Variants in ST18 observed in about 807,000 individuals in gnomAD.
The protein encoded by ST18 is ST18 C2H2C-type zinc finger transcription factor.
Under a neutral mutation model 110.0 loss-of-function variants are expected in ST18, and 50 were observed. The ratio of observed to expected loss-of-function variants is 0.45; its 90% CI spans 0.36 to 0.58. The LOEUF is 0.58. ST18 is among the 20% of genes least tolerant of loss of function. ST18 has a pLI of 0.00. For missense variants in ST18, 1,306 were observed against 1,280.1 expected, an observed-to-expected ratio of 1.02 and a Z score of -0.31; for synonymous variants, 461 against 452.4, an observed-to-expected ratio of 1.02 and a Z score of -0.24.
intron 2 of ST18, among the ~76,000 whole-genome samples, chr8:52,388,032 T>C (rs1837591574): frequency 6.8e-6 from 1 of 147,390 alleles, no homozygotes; most frequent in Non-Finnish European, 1.5e-5. Context: ...GGGGGGTCTA[T>C]GTTTGCAGGG....
chr8:52,116,436 T>C lies in ST18; in HGVS notation c.2860-18A>G. The stretch of plus-strand genomic sequence containing the variant: ...GATGTGATCTACAACAGAAATAACT[T>C]GGGAATGTGAGTAGTGGAGTTTGGA... On this transcript the variant is annotated intron_variant, in intron 24 of 25. Coordinates refer to ENST00000689386, the MANE Select transcript of ST18 (RefSeq NM_001352837.2). 1 of 1,607,284 alleles carries C rather than the reference T, an allele frequency of 6.2e-7. No individual in the cohort carries two copies. The highest frequency in any genetic ancestry group is 8.5e-7 in the Non-Finnish European group (1 of 1,176,510).
intron 4 of ST18, among the ~76,000 whole-genome samples, chr8:52,221,085 C>CTCTATCTATCTA (rs58429982): frequency 2.0e-4 from 30 of 148,342 alleles, no homozygotes; most frequent in South Asian, 8.7e-4. Context: ...AACTACCTAT[C>CTCTATCTATCTA]TCTATCTATC....
chr8:52,408,914 C>T (rs983662365), intron 2 of ST18: 1 of 152,232 alleles, frequency 6.6e-6, no homozygotes, highest in African/African-American at 2.4e-5. Flanking sequence ...TACTTCTCAT[C>T]TGAGCACAGA....
intron 3 of ST18, chr8:52,222,143 C>T (rs2087017755): frequency 6.6e-6 from 1 of 152,250 alleles, no homozygotes; most frequent in East Asian, 1.9e-4. Flanking sequence ...ATTAGCAATA[C>T]ATTTTCCATT....
At chr8:52,173,391 C>T (rs932703659) in intron 9 of ST18, among the ~76,000 whole-genome samples, 20 of 152,172 alleles carry the variant, frequency 1.3e-4, no homozygotes, top group East Asian at 1.9e-4. Flanking sequence ...GGGTCCTGAA[C>T]GTGAAGGCAC....
chr8:52,183,836 A>G (rs184993778), intron 8 of ST18, among the ~76,000 whole-genome samples: 1 of 152,336 alleles, frequency 6.6e-6, no homozygotes, highest in African/African-American at 2.4e-5. Flanking sequence ...CATATTATTT[A>G]TATTTACATA....
chr8:52,190,524 G>A (rs971004479), intron 8 of ST18, among the ~76,000 whole-genome samples: 2 of 152,138 alleles, frequency 1.3e-5, no homozygotes, highest in Non-Finnish European at 2.9e-5. Flanking sequence ...GCCAAAATAT[G>A]AGATCTTTGC....
intron 2 of ST18, among the ~76,000 whole-genome samples, chr8:52,370,171 G>A (rs1405845858): frequency 1.3e-5 from 2 of 152,194 alleles, no homozygotes; most frequent in Non-Finnish European, 2.9e-5. Context: ...TGTAAGAGAT[G>A]ACAAAGACCA....
At chr8:52,134,650 C>T (rs546367618) in intron 19 of ST18, among the ~76,000 whole-genome samples, 4 of 151,854 alleles carry the variant, frequency 2.6e-5, no homozygotes, top group Non-Finnish European at 4.4e-5. Flanking sequence ...GAGCATGCAT[C>T]TCTTCTGGCT....
rs780097875 is a variant in ST18, at chr8:52,161,327, A to C, written c.1594+48T>G. The stretch of plus-strand genomic sequence containing the variant: ...TGGCCCCCAGTACACACATACACCC[A>C]TACACAAGAAGCATTTTGGGGAAAC... On this transcript the variant is annotated intron_variant, in intron 14 of 25. Coordinates refer to ENST00000689386, the MANE Select transcript of ST18 (RefSeq NM_001352837.2). 5 of 1,589,290 alleles carry C rather than the reference A, an allele frequency of 3.1e-6. No individual in the cohort carries two copies. In the East Asian group the frequency reaches 1.1e-4, roughly 35 times the overall value.
chr8:52,332,081 CAAAT>C (rs1393440021), intron 2 of ST18, among the ~76,000 whole-genome samples: 1 of 151,640 alleles, frequency 6.6e-6, no homozygotes, highest in Admixed American at 6.6e-5. Flanking sequence ...ATTTATAAAA[CAAAT>C]ATATAAAATA....
chr8:52,157,146 G>T (rs565361938), intron 15 of ST18, among the ~76,000 whole-genome samples: 1 of 152,254 alleles, frequency 6.6e-6, no homozygotes, highest in East Asian at 1.9e-4. Flanking sequence ...TTTAACAATT[G>T]CTTTTCTAAC....
At position 52,262,069 on chromosome 8, in the gene ST18, T is replaced by C. The variant is rs1349528333; in HGVS notation, c.-464-31992A>G. On this transcript the variant is annotated intron_variant, in intron 2 of 25. Coordinates refer to ENST00000689386, the MANE Select transcript of ST18 (RefSeq NM_001352837.2). ...GGCACCAGCATCTGCTCAGCATATG[T>C]TGAGGGCCTTCTTGCTGTGTCAAAA... Among the ~76,000 whole-genome samples, 3 of 152,196 alleles carry C rather than the reference T, an allele frequency of 2.0e-5. No individual in the cohort carries two copies. The East Asian group carries it at 5.8e-4, about 29-fold the overall frequency.
At chr8:52,124,018 T>A (rs907787338) in intron 23 of ST18, among the ~76,000 whole-genome samples, 3 of 152,182 alleles carry the variant, frequency 2.0e-5, no homozygotes, top group African/African-American at 7.2e-5. Flanking sequence ...ATTCACACGG[T>A]GATTATAGCT....
At position 52,322,164 on chromosome 8, in the gene ST18, A is replaced by G. The variant is rs74349016; in HGVS notation, c.-465+87164T>C. On this transcript the variant is annotated intron_variant, in intron 2 of 25. Transcript: ENST00000689386. ...TGGAAAAATATTCTGTAATGAGAGA[A>G]AAGCATGAAGCTGGTATGGAAGGCA... Among the ~76,000 whole-genome samples, 916 of 152,302 alleles carry G rather than the reference A, an allele frequency of 6.0e-3. 7 individuals are homozygous for G. The highest frequency in any genetic ancestry group is 0.021 in the African/African-American group (868 of 41,566).
intron 17 of ST18, among the ~76,000 whole-genome samples, chr8:52,140,586 TA>T (rs1563642574): frequency 6.6e-6 from 1 of 150,626 alleles, no homozygotes; most frequent in East Asian, 1.9e-4. Flanking sequence ...GATAGATAGA[TA>T]GATAGATAAA....
chr8:52,224,209 T>C (rs1564164710), intron 3 of ST18, among the ~76,000 whole-genome samples: 1 of 152,218 alleles, frequency 6.6e-6, no homozygotes, highest in Non-Finnish European at 1.5e-5. Flanking sequence ...CTTTAAGTTA[T>C]AGTCAAGTTT....
upstream of ST18, chr8:52,409,765 G>T (rs1304864819): frequency 6.6e-6 from 1 of 152,250 alleles, no homozygotes; most frequent in Non-Finnish European, 1.5e-5. Flanking sequence ...TCAGAACGCA[G>T]AGGCGCTGCA....
At chr8:52,407,481 C>A (rs1046674115) in intron 2 of ST18, 1 of 152,018 alleles carries the variant, frequency 6.6e-6, no homozygotes, top group Non-Finnish European at 1.5e-5. Context: ...CCCCAAAAAG[C>A]TGCATAATGA....
Sources: gnomAD v4.1 joint callset for allele counts (sites outside exome capture counted in the v4.1 genomes callset) on GRCh38, gnomAD v4.1.1 for gene constraint, MANE v1.5 for transcripts, NCBI Gene and HGNC (gene_info 2026-07-23, HGNC 2026-07-21) for gene names.